The following FBLN1 variants were observed in gnomAD, a reference collection of about 807,000 sequenced individuals.
The protein encoded by FBLN1 is fibulin-1.
A neutral mutation model predicts 89.7 loss-of-function variants in FBLN1; 34 were observed. The observed-to-expected ratio is 0.38, with a 90% CI of 0.29 to 0.50. The LOEUF (loss-of-function observed/expected upper bound fraction) is 0.50. Ranked by LOEUF, FBLN1 falls within the 20% of genes least tolerant of loss-of-function variation. FBLN1 has a pLI of 0.92. For missense variants in FBLN1, 777 were observed against 988.1 expected (o/e 0.79, Z 2.86); for synonymous variants, 393 against 391.3 (o/e 1.00, Z -0.05).
At chr22:45,520,031 G>A (rs1376895809) in intron 2 of FBLN1, among the ~76,000 whole-genome samples, 1 of 152,132 alleles carries the variant, frequency 6.6e-6, no homozygotes, top group African/African-American at 2.4e-5. Flanking sequence ...TTAGCTGGTT[G>A]TGGTGGCGGG....
At chr22:45,586,939 A>G (rs1039144362) in intron 16 of FBLN1, among the ~76,000 whole-genome samples, 1 of 152,052 alleles carries the variant, frequency 6.6e-6, no homozygotes, top group African/African-American at 2.4e-5. Context: ...GGGTCTACGG[A>G]CAGTACAGGG....
Position 45,518,867 on chromosome 22 carries a change from C to T in FBLN1, c.185+80C>T, listed in dbSNP as rs993975670. On this transcript the variant is annotated intron_variant, in intron 2 of 16. Transcript: ENST00000327858. ...TGGGGGAGGAAGGGACAGTGTGTGC[C>T]AGACCTCTCGGGAGAGGCTGGACAC... 68 of 1,288,966 alleles carry T rather than the reference C, an allele frequency of 5.3e-5. No homozygotes were observed. The Admixed American group carries it at 6.3e-4, about 12-fold the overall frequency. The allele number at this position is 1,288,966 out of a possible 1,614,324, so 79.8% of individuals were successfully genotyped here.
chr22:45,523,704 AAAAAC>A (rs936583244), intron 2 of FBLN1, among the ~76,000 whole-genome samples: 7 of 152,358 alleles, frequency 4.6e-5, no homozygotes, highest in Admixed American at 1.3e-4. Context: ...ACTCCATCTC[AAAAAC>A]AAAACAAAAC....
At chr22:45,573,407 G>C (rs577620802) in intron 14 of FBLN1, among the ~76,000 whole-genome samples, 1 of 151,946 alleles carries the variant, frequency 6.6e-6, no homozygotes, top group East Asian at 1.9e-4. Flanking sequence ...CGGGCTCGGT[G>C]GCTCAGGCCT....
chr22:45,565,676 A>G lies in FBLN1; in HGVS notation c.1698-8835A>G, dbSNP rs2088895632. 4 of 186,404 alleles carry G rather than the reference A, an allele frequency of 2.1e-5. No homozygotes were observed. In the South Asian group the frequency reaches 3.5e-4, roughly 16 times the overall value. 11.5% of individuals were successfully genotyped at this position (186,404 alleles called of 1,614,324 possible). A position where few individuals can be genotyped will look rare whatever the true frequency, so the allele number is the denominator to read the frequency against. ...GGCTTGAAGAAGGAGCTCAGTAAAC[A>G]TCTGAATAAACATGCAGGTTGATGG... On this transcript the variant is annotated intron_variant, in intron 14 of 16. Coordinates refer to ENST00000327858, the MANE Select transcript of FBLN1 (RefSeq NM_006486.3).
intron 2 of FBLN1, 148 bp downstream of exon 2, chr22:45,518,935 A>T: frequency 1.3e-6 from 1 of 760,388 alleles, no homozygotes. Flanking sequence ...GCAGTGGGTG[A>T]CTCCTGCCTC....
chr22:45,511,812 G>A (rs2088105145), intron 1 of FBLN1, among the ~76,000 whole-genome samples: 1 of 152,158 alleles, frequency 6.6e-6, no homozygotes, highest in African/African-American at 2.4e-5. Flanking sequence ...GGAGGGAGCT[G>A]GATTCAAGGC....
chr22:45,570,812 T>C (rs182788617), intron 14 of FBLN1, among the ~76,000 whole-genome samples: 34 of 152,072 alleles, frequency 2.2e-4, no homozygotes, highest in African/African-American at 8.0e-4. Flanking sequence ...TAACACATTC[T>C]TGTGAAATTA....
Position 45,576,025 on chromosome 22 carries a change from G to T in FBLN1, c.1841-952G>T, listed in dbSNP as rs1304451977. Among the ~76,000 whole-genome samples, 1 of 151,828 alleles carries T rather than the reference G, an allele frequency of 6.6e-6. No homozygotes were observed. The highest frequency in any genetic ancestry group is 2.4e-5 in the African/African-American group (1 of 41,182). On this transcript the variant is annotated intron_variant, in intron 15 of 16. Transcript: ENST00000327858. This position sits in a 1 kb window ranked among gnomAD's most constrained non-coding sequence, Gnocchi z 5.2. ...GCGAGGACACCAGTGTTTACACCAT[G>T]ACACAACCATGCGGGGGGGTGGGGG...
intron 2 of FBLN1, among the ~76,000 whole-genome samples, chr22:45,520,095 G>A (rs796943826): frequency 5.3e-5 from 8 of 152,238 alleles, no homozygotes; most frequent in East Asian, 1.9e-4. Flanking sequence ...GCTTGAACCC[G>A]GGAAGCGGAG....
At chr22:45,514,687 C>T (rs1026405035) in intron 1 of FBLN1, among the ~76,000 whole-genome samples, 11 of 152,302 alleles carry the variant, frequency 7.2e-5, no homozygotes, top group African/African-American at 2.6e-4. Context: ...AGATCGGGCC[C>T]CTTGCCCTGG....
In FBLN1 at chr22:45,503,023, C is replaced by T. The variant is rs17852049; in HGVS notation, c.38C>T (p.Pro13Leu). Residue 13 changes from proline (P) to leucine (L), a missense_variant, in exon 1 of 17, where the codon CCG (proline) becomes CTG (leucine). Coordinates refer to ENST00000327858, the MANE Select transcript of FBLN1 (RefSeq NM_006486.3). ...RAAPSRRVPL[P>L]LLLLGGLALL... ...GCGCCGTCGCGCCGGGTCCCGCTTCCGCTGCTGCTGCTCGGCGGCCTTGCG... is the reference window on the plus strand; with the variant it reads ...GCGCCGTCGCGCCGGGTCCCGCTTCTGCTGCTGCTGCTCGGCGGCCTTGCG... 2.6e-5 allele frequency: 33 copies of T among 1,250,518 alleles called. No individual in the cohort carries two copies. Among genetic ancestry groups the T allele is most frequent in the South Asian group, 2.6e-4 (8 of 30,720 alleles). The allele number at this position is 1,250,518 out of a possible 1,614,324, so 77.5% of individuals were successfully genotyped here.
At chr22:45,518,240 T>C (rs975893523) in intron 1 of FBLN1, among the ~76,000 whole-genome samples, 3 of 152,106 alleles carry the variant, frequency 2.0e-5, no homozygotes, top group African/African-American at 7.2e-5. Context: ...GAAAGAGTCA[T>C]GTCGGCTGTT....
chr22:45,511,342 C>T (rs568662580), intron 1 of FBLN1, among the ~76,000 whole-genome samples: 15 of 151,252 alleles, frequency 9.9e-5, no homozygotes, highest in Admixed American at 6.6e-4. Flanking sequence ...TTAGTAGAGA[C>T]GGGCTTTCTC....
At chr22:45,569,982 T>A (rs1440886277) in intron 14 of FBLN1, among the ~76,000 whole-genome samples, 3 of 152,076 alleles carry the variant, frequency 2.0e-5, no homozygotes, top group African/African-American at 7.2e-5. Context: ...AAATGAAAAT[T>A]CTAATATTCT....
At chr22:45,517,169 G>A (rs953787899) in intron 1 of FBLN1, among the ~76,000 whole-genome samples, 3 of 152,252 alleles carry the variant, frequency 2.0e-5, no homozygotes, top group African/African-American at 7.2e-5. Flanking sequence ...ACCCACAGTT[G>A]TGTGTGCGGA....
intron 6 of FBLN1, 93 bp downstream of exon 6, chr22:45,533,257 ACCCAGAC>A: frequency 8.5e-7 from 1 of 1,179,568 alleles, no homozygotes; most frequent in South Asian, 1.2e-5. Context: ...GCCTTCTACA[ACCCAGAC>A]CCCATTCAGG....
chr22:45,532,851 G>A lies in FBLN1; in HGVS notation c.545-212G>A. Reference sequence around the variant, plus strand: ...ACCACCTGATTTTCCAGACGGGGAGGTTGGGACCTGAAGCAGCAGCCCCTG... The same window carrying A: ...ACCACCTGATTTTCCAGACGGGGAGATTGGGACCTGAAGCAGCAGCCCCTG... On this transcript the variant is annotated intron_variant, in intron 5 of 16. Transcript: ENST00000327858. The surrounding 1 kb of genome is among the most constrained non-coding windows in gnomAD (Gnocchi z 4.2). The A allele has an allele frequency of 1.6e-6, 1 of 608,632 alleles. No homozygotes were observed. Among genetic ancestry groups the A allele is most frequent in the East Asian group, 2.8e-5 (1 of 36,156 alleles). 37.7% of individuals were successfully genotyped at this position (608,632 alleles called of 1,614,324 possible).
intron 4 of FBLN1, among the ~76,000 whole-genome samples, chr22:45,529,236 T>C (rs2088371298): frequency 6.6e-6 from 1 of 152,248 alleles, no homozygotes; most frequent in Admixed American, 6.5e-5. Flanking sequence ...GGCGAGCAGC[T>C]GGGGGCCATC....
Sources: allele counts gnomAD v4.1 joint callset (sites outside exome capture counted in the v4.1 genomes callset), GRCh38; gene constraint gnomAD v4.1.1; non-coding constraint Gnocchi (gnomAD v3.1); transcripts MANE v1.5; gene names NCBI Gene and HGNC (gene_info 2026-07-23, HGNC 2026-07-21).